The following MEMO1 variants were observed in gnomAD, a reference collection of about 807,000 sequenced individuals.
MEMO1 encodes the protein protein MEMO1.
MEMO1 carries 6 observed loss-of-function variants against 45.2 expected under a neutral mutation model. That is an observed-to-expected ratio of 0.13 (90% CI 0.07 to 0.26). The LOEUF is 0.26. Among genes scored for constraint, MEMO1 ranks in the 10% least tolerant of loss-of-function variants. The pLI, the probability that MEMO1 is intolerant of heterozygous loss-of-function variation, is 1.00. For missense variants in MEMO1, 184 were observed against 370.5 expected (o/e 0.50, Z 4.13); for synonymous variants, 78 against 124.3 (o/e 0.63, Z 2.48).
At chr2:31,882,838 C>A (rs1207774541) in intron 8 of MEMO1, among the ~76,000 whole-genome samples, 2 of 152,070 alleles carry the variant, frequency 1.3e-5, no homozygotes, top group Non-Finnish European at 2.9e-5. Context: ...ACATATAATT[C>A]CTCCAACAGA....
chr2:31,999,264 A>G (rs1010830273), intron 2 of MEMO1, among the ~76,000 whole-genome samples: 8 of 151,994 alleles, frequency 5.3e-5, no homozygotes, highest in Admixed American at 3.9e-4. Flanking sequence ...CCACTCCCCA[A>G]CCTTCAACTA....
At chr2:31,977,391 G>T (rs1007392802) in intron 2 of MEMO1, among the ~76,000 whole-genome samples, 1 of 152,128 alleles carries the variant, frequency 6.6e-6, no homozygotes, top group African/African-American at 2.4e-5. Flanking sequence ...TAAGCAACAT[G>T]CATGGCTAAA....
chr2:31,919,889 T>C (rs1158203728), intron 5 of MEMO1, among the ~76,000 whole-genome samples: 1 of 151,610 alleles, frequency 6.6e-6, no homozygotes, highest in Non-Finnish European at 1.5e-5. Context: ...TATACACACA[T>C]ATGGGCGTGT....
At chr2:31,923,546 C>CT in intron 4 of MEMO1, 9 of 1,308,662 alleles carry the variant, frequency 6.9e-6, no homozygotes, top group South Asian at 6.1e-5. Flanking sequence ...TAACATGACA[C>CT]TTTGTTTTAA....
chr2:31,960,602 T>C (rs537340000), intron 2 of MEMO1, among the ~76,000 whole-genome samples: 4 of 152,296 alleles, frequency 2.6e-5, no homozygotes, highest in Admixed American at 6.5e-5. Context: ...TATTTATTTA[T>C]TTATTTAGAG....
chr2:31,943,022 A>G (rs1665790083), intron 3 of MEMO1, among the ~76,000 whole-genome samples: 1 of 152,178 alleles, frequency 6.6e-6, no homozygotes, highest in Admixed American at 6.6e-5. Flanking sequence ...GCCAGGCGTG[A>G]GCGAGACCGA....
chr2:31,904,968 T>C (rs2148069088), intron 6 of MEMO1, among the ~76,000 whole-genome samples: 1 of 152,312 alleles, frequency 6.6e-6, no homozygotes, highest in South Asian at 2.1e-4. Context: ...GCGCAATGGC[T>C]CATGCCTGTA....
chr2:32,007,508 T>C (rs920513929), intron 2 of MEMO1, among the ~76,000 whole-genome samples: 12 of 152,242 alleles, frequency 7.9e-5, no homozygotes, highest in Non-Finnish European at 2.9e-5. Flanking sequence ...AAAGAAGATA[T>C]ATGTGTGTGT....
intron 4 of MEMO1, chr2:31,923,660 G>A: frequency 6.5e-7 from 1 of 1,547,028 alleles, no homozygotes; most frequent in South Asian, 1.2e-5. Flanking sequence ...AATGAGAAAG[G>A]GCATTTTTCT....
At chr2:31,971,381 A>G (rs188504466) in intron 2 of MEMO1, among the ~76,000 whole-genome samples, 11 of 151,962 alleles carry the variant, frequency 7.2e-5, no homozygotes, top group African/African-American at 2.7e-4. Context: ...CCAACGAGCT[A>G]GGACTACAGG....
At chr2:31,955,331 G>A (rs769273015) in intron 2 of MEMO1, among the ~76,000 whole-genome samples, 9 of 152,192 alleles carry the variant, frequency 5.9e-5, no homozygotes, top group Non-Finnish European at 1.2e-4. Context: ...CAGTGTAATT[G>A]AGAAATCATA....
chr2:31,872,016 A>AACACACAC (rs55682785), intron 8 of MEMO1, among the ~76,000 whole-genome samples: 12,519 of 142,736 alleles, frequency 0.088, 597 homozygotes, highest in Middle Eastern at 0.13. Flanking sequence ...TCTGTCTCAA[A>AACACACAC]ACACACACAC....
intron 6 of MEMO1, among the ~76,000 whole-genome samples, chr2:31,907,012 C>T (rs1679854621): frequency 6.6e-6 from 1 of 152,202 alleles, no homozygotes; most frequent in African/African-American, 2.4e-5. Context: ...ACAACTCCTG[C>T]AAGTTAAGCC....
At chr2:31,913,738 T>C (rs1680987681) in intron 6 of MEMO1, among the ~76,000 whole-genome samples, 1 of 152,134 alleles carries the variant, frequency 6.6e-6, no homozygotes. Context: ...CAGAAAACAT[T>C]ATGGAACTAC....
chr2:31,903,233 T>G (rs2148058122), intron 6 of MEMO1, among the ~76,000 whole-genome samples: 1 of 152,230 alleles, frequency 6.6e-6, no homozygotes, highest in South Asian at 2.1e-4. Flanking sequence ...TCCTAATGAG[T>G]CTAGAAGCAG....
At chr2:31,901,928 A>G (rs995767704) in intron 6 of MEMO1, among the ~76,000 whole-genome samples, 1 of 151,698 alleles carries the variant, frequency 6.6e-6, no homozygotes, top group Non-Finnish European at 1.5e-5. Flanking sequence ...AAAAGTTCTA[A>G]AACTAGATTG....
At chr2:31,899,788 A>G (rs1678496781) in intron 6 of MEMO1, among the ~76,000 whole-genome samples, 1 of 152,250 alleles carries the variant, frequency 6.6e-6, no homozygotes, top group South Asian at 2.1e-4. Flanking sequence ...TATCCATCTG[A>G]CAAAGGGCTA....
At chr2:31,896,057 A>T (rs987030818) in intron 6 of MEMO1, among the ~76,000 whole-genome samples, 2 of 151,450 alleles carry the variant, frequency 1.3e-5, no homozygotes, top group African/African-American at 4.8e-5. Context: ...GTTAGCCAGG[A>T]TGGTCTCGAT....
intron 5 of MEMO1, among the ~76,000 whole-genome samples, chr2:31,920,076 G>A (rs960033001): frequency 2.6e-5 from 4 of 151,736 alleles, no homozygotes; most frequent in Admixed American, 6.6e-5. Context: ...CAGGATGAGC[G>A]AGAAATTCTG....
Sources: gnomAD v4.1 joint callset for allele counts (sites outside exome capture counted in the v4.1 genomes callset) on GRCh38, gnomAD v4.1.1 for gene constraint, MANE v1.5 for transcripts, NCBI Gene and HGNC (gene_info 2026-07-23, HGNC 2026-07-21) for gene names.